The following SLC44A1 variants were observed in gnomAD, a reference collection of about 807,000 sequenced individuals.
SLC44A1 encodes the protein choline transporter-like protein 1.
SLC44A1 carries 26 observed loss-of-function variants against 79.3 expected under a neutral mutation model. The observed-to-expected ratio is 0.33, with a 90% CI of 0.24 to 0.46. The LOEUF is 0.46. Among genes scored for constraint, SLC44A1 ranks in the 20% least tolerant of loss-of-function variants. The probability of loss-of-function intolerance (pLI) is 1.00; values close to 1 mark genes in which losing one functional copy is unlikely to be tolerated. For synonymous variants in SLC44A1, 263 were observed against 286.2 expected, an observed-to-expected ratio of 0.92 and a Z score of 0.82; for missense variants, 688 against 798.1, an observed-to-expected ratio of 0.86 and a Z score of 1.66.
intron 5 of SLC44A1, among the ~76,000 whole-genome samples, chr9:105,348,663 A>G (rs1003308337): frequency 6.6e-6 from 1 of 152,086 alleles, no homozygotes; most frequent in African/African-American, 2.4e-5. Context: ...TTGTTCTGAC[A>G]TATTTTAAAT....
chr9:105,275,096 AAAT>A (rs1288992259), intron 1 of SLC44A1, among the ~76,000 whole-genome samples: 2 of 152,236 alleles, frequency 1.3e-5, no homozygotes, highest in Non-Finnish European at 2.9e-5. Context: ...TCAGTTTGAA[AAAT>A]AATAAATTTT....
chr9:105,247,084 CTGG>C (rs773799649), intron 1 of SLC44A1, among the ~76,000 whole-genome samples: 7 of 149,656 alleles, frequency 4.7e-5, no homozygotes, highest in Non-Finnish European at 7.4e-5. Flanking sequence ...TGCCAAAGAG[CTGG>C]TGATTTTTTT....
At chr9:105,347,374 C>T (rs1051181386) in intron 4 of SLC44A1, among the ~76,000 whole-genome samples, 1 of 151,954 alleles carries the variant, frequency 6.6e-6, no homozygotes, top group Non-Finnish European at 1.5e-5. Flanking sequence ...TGATGAAATG[C>T]AGCAAAATTA....
rs77321649 is a variant in SLC44A1, at chr9:105,355,636, T to G, written c.501-576T>G. Among the ~76,000 whole-genome samples the G allele has an allele frequency of 1.7e-3, 255 of 152,344 alleles. 1 individual carries two copies. Among genetic ancestry groups the G allele is most frequent in the African/African-American group, 5.8e-3 (242 of 41,578 alleles). On this transcript the variant is annotated intron_variant, in intron 5 of 15. Coordinates refer to ENST00000374720, the MANE Select transcript of SLC44A1 (RefSeq NM_080546.5). ...TTTAAATAGCTGCCTATTATGCTGTTTGTTGATGTCTCAGCATGACTTTGT... is the reference window on the plus strand; with the variant it reads ...TTTAAATAGCTGCCTATTATGCTGTGTGTTGATGTCTCAGCATGACTTTGT...
chr9:105,424,958 AAAAAG>A (rs1829301260), intron 15 of SLC44A1, among the ~76,000 whole-genome samples: 1 of 149,068 alleles, frequency 6.7e-6, no homozygotes, highest in Non-Finnish European at 1.5e-5. Context: ...CAAAAAAAAA[AAAAAG>A]AAAAGAAAGA....
At chr9:105,433,030 T>G (rs1829417155) in intron 15 of SLC44A1, among the ~76,000 whole-genome samples, 1 of 152,050 alleles carries the variant, frequency 6.6e-6, no homozygotes, top group Non-Finnish European at 1.5e-5. Flanking sequence ...CGTGGTGGCT[T>G]ACTCCTGTAA....
At chr9:105,312,775 T>A (rs763425985) in intron 3 of SLC44A1, among the ~76,000 whole-genome samples, 2 of 152,154 alleles carry the variant, frequency 1.3e-5, no homozygotes, top group Non-Finnish European at 2.9e-5. Context: ...AGTGTGAACC[T>A]TTTTTCCCCA....
At chr9:105,265,877 A>G (rs935209311) in intron 1 of SLC44A1, among the ~76,000 whole-genome samples, 2 of 152,124 alleles carry the variant, frequency 1.3e-5, no homozygotes, top group Non-Finnish European at 2.9e-5. Context: ...GATGTTGAAC[A>G]TCTTTTCATG....
intron 14 of SLC44A1, among the ~76,000 whole-genome samples, chr9:105,384,970 A>G (rs1828585943): frequency 6.6e-6 from 1 of 152,174 alleles, no homozygotes; most frequent in Non-Finnish European, 1.5e-5. Context: ...AAAAAGCATT[A>G]TGTGCTTAGC....
In SLC44A1 at chr9:105,392,174, C is replaced by G; in HGVS notation, c.*3118C>G. The stretch of plus-strand genomic sequence containing the variant: ...TTGCATGGATGAGCAGAGCTCAAAG[C>G]CAGTTGTTCCTTTAAAGCATTTAAT... On this transcript the variant is annotated 3_prime_UTR_variant, in exon 16 of 16. Coordinates refer to ENST00000374720, the MANE Select transcript of SLC44A1 (RefSeq NM_080546.5). 1.0e-6 allele frequency: 1 copy of G among 984,974 alleles called. No individual in the cohort carries two copies. Among genetic ancestry groups the G allele is most frequent in the Middle Eastern group, 5.2e-4 (1 of 1,914 alleles). The allele number at this position is 984,974 out of a possible 1,614,324, so 61.0% of individuals were successfully genotyped here.
intron 3 of SLC44A1, among the ~76,000 whole-genome samples, chr9:105,312,029 T>C (rs1405365638): frequency 1.3e-5 from 2 of 152,176 alleles, no homozygotes; most frequent in African/African-American, 4.8e-5. Context: ...TTTACACCTG[T>C]TTTGTCTGCT....
intron 15 of SLC44A1, among the ~76,000 whole-genome samples, chr9:105,414,003 A>T (rs1829132895): frequency 6.6e-6 from 1 of 150,536 alleles, no homozygotes; most frequent in African/African-American, 2.5e-5. Flanking sequence ...AAAAAAAAAT[A>T]GATGGACTCA....
At chr9:105,249,831 G>A (rs913041958) in intron 1 of SLC44A1, among the ~76,000 whole-genome samples, 1 of 150,764 alleles carries the variant, frequency 6.6e-6, no homozygotes, top group African/African-American at 2.4e-5. Flanking sequence ...CTCCATGCCC[G>A]GCCAATTCCC....
At chr9:105,244,961 C>A in intron 1 of SLC44A1, 57 bp downstream of exon 1, 1 of 956,502 alleles carries the variant, frequency 1.0e-6, no homozygotes, top group Non-Finnish European at 1.3e-6. Flanking sequence ...CGCCGCGTCG[C>A]GCGGCGGGCG....
chr9:105,368,869 C>G (rs2131427276), intron 12 of SLC44A1, among the ~76,000 whole-genome samples: 1 of 152,186 alleles, frequency 6.6e-6, no homozygotes, highest in Non-Finnish European at 1.5e-5. Context: ...GAAACCCCAT[C>G]TCTACTAAAA....
At position 105,323,823 on chromosome 9, in the gene SLC44A1, T is replaced by C. The variant is rs117251026; in HGVS notation, c.270-11740T>C. On this transcript the variant is annotated intron_variant, in intron 3 of 15. Transcript: ENST00000374720. ...TTTCATAGACACAGCTTGGTCTTTG[T>C]CATCACCCTTAATTGTTCTACCTAT... is the stretch of plus-strand genomic sequence containing the variant. 6.6e-5 allele frequency among the ~76,000 whole-genome samples: 10 copies of C among 152,336 alleles called. No homozygotes were observed. In the East Asian group the frequency reaches 1.9e-3, roughly 29 times the overall value.
At chr9:105,407,360 C>G (rs1829041622) in intron 15 of SLC44A1, among the ~76,000 whole-genome samples, 1 of 152,118 alleles carries the variant, frequency 6.6e-6, no homozygotes, top group Admixed American at 6.5e-5. Context: ...CTAAAGAGAT[C>G]CACACTCAAA....
intron 15 of SLC44A1, among the ~76,000 whole-genome samples, chr9:105,433,346 G>C (rs998265905): frequency 6.6e-6 from 1 of 152,074 alleles, no homozygotes; most frequent in African/African-American, 2.4e-5. Flanking sequence ...GTAAGAAAAA[G>C]GCATCCCAAA....
intron 1 of SLC44A1, among the ~76,000 whole-genome samples, chr9:105,277,227 G>A (rs570007624): frequency 6.6e-6 from 1 of 152,342 alleles, no homozygotes; most frequent in South Asian, 2.1e-4. Flanking sequence ...GGTGGAGCAG[G>A]TTGTGTAGAA....
Sources: allele counts gnomAD v4.1 joint callset (sites outside exome capture counted in the v4.1 genomes callset), GRCh38; gene constraint gnomAD v4.1.1; transcripts MANE v1.5; gene names NCBI Gene and HGNC (gene_info 2026-07-23, HGNC 2026-07-21).